The following INPP5F variants were observed in gnomAD, a reference collection of about 807,000 sequenced individuals.
The protein encoded by INPP5F is inositol polyphosphate-5-phosphatase F.
Under a neutral mutation model 137.2 loss-of-function variants are expected in INPP5F, and 97 were observed. That is an observed-to-expected ratio of 0.71 (90% CI 0.60 to 0.84). INPP5F has a LOEUF of 0.84. Ranked by LOEUF, INPP5F falls within the 40% of genes least tolerant of loss-of-function variation. The pLI is 0.00. For missense variants in INPP5F, 1,271 were observed against 1,371.9 expected (o/e 0.93, Z 1.16); for synonymous variants, 504 against 476.9 (o/e 1.06, Z -0.74).
intron 1 of INPP5F, among the ~76,000 whole-genome samples, chr10:119,727,313 C>T (rs1241753763): frequency 2.0e-5 from 3 of 152,190 alleles, no homozygotes; most frequent in Non-Finnish European, 4.4e-5. Flanking sequence ...AGAAGGATTA[C>T]ATGATATGAA....
At chr10:119,771,882 ATTTTTTTTTTTTTTT>A (rs544724525) in intron 2 of INPP5F, among the ~76,000 whole-genome samples, 150 of 24,068 alleles carry the variant, frequency 6.2e-3, no homozygotes, top group South Asian at 0.02. Flanking sequence ...ATATATATAT[ATTTTTTTTTTTTTTT>A]TTTTTTTTTT....
At chr10:119,817,471 G>A (rs1851322034) in intron 15 of INPP5F, among the ~76,000 whole-genome samples, 1 of 152,208 alleles carries the variant, frequency 6.6e-6, no homozygotes, top group African/African-American at 2.4e-5. Flanking sequence ...CCAGTTTGGA[G>A]GGTTCCAATA....
At chr10:119,759,438 G>A (rs536167084) in intron 2 of INPP5F, among the ~76,000 whole-genome samples, 43 of 152,052 alleles carry the variant, frequency 2.8e-4, no homozygotes, top group African/African-American at 9.9e-4. Flanking sequence ...AGCCCAGGCT[G>A]GAGTGCAGTG....
intron 2 of INPP5F, among the ~76,000 whole-genome samples, chr10:119,779,013 A>G (rs1265536): frequency 0.35 from 52,879 of 151,940 alleles, 9,615 homozygotes; most frequent in South Asian, 0.46. Flanking sequence ...TCCTATTCCC[A>G]TCCCCCTCTT....
chr10:119,811,638 G>T, intron 14 of INPP5F, 119 bp from the exon 15 acceptor site: 1 of 768,006 alleles, frequency 1.3e-6, no homozygotes, highest in Non-Finnish European at 2.1e-6. Flanking sequence ...AGGTTACAAA[G>T]ATTTATGCTT....
At chr10:119,786,612 G>A (rs1391001664) in intron 3 of INPP5F, among the ~76,000 whole-genome samples, 1 of 152,006 alleles carries the variant, frequency 6.6e-6, no homozygotes, top group South Asian at 2.1e-4. Flanking sequence ...ATGCAGTGAC[G>A]CAATCATCCT....
rs1194123499 is a variant in INPP5F, at chr10:119,792,031, C to A, written c.607C>A (p.Gln203Lys). ...GGAGAGGGACGGTCGGCCCCTCTGG[C>A]AGAAGGTACCACTCACAGCTCGTAG... is the stretch of plus-strand genomic sequence containing the variant. ...TGERDGRPLW[Q>K]KVDDRFFWNK... The change falls in exon 5 of 20, where the codon CAG (glutamine) becomes AAG (lysine). Residue 203 changes from glutamine (Q) to lysine (K), a missense_variant. Gln to Lys is a moderately conservative substitution (Grantham distance 53, BLOSUM62 1). Coordinates refer to ENST00000650623, the MANE Select transcript of INPP5F (RefSeq NM_014937.4). The A allele has an allele frequency of 6.2e-7, 1 of 1,614,184 alleles. No homozygotes were observed. Among genetic ancestry groups the A allele is most frequent in the South Asian group, 1.1e-5 (1 of 91,088 alleles).
chr10:119,794,384 T>A (rs1327569428), intron 6 of INPP5F, among the ~76,000 whole-genome samples: 1 of 152,216 alleles, frequency 6.6e-6, no homozygotes, highest in Admixed American at 6.5e-5. Flanking sequence ...TTTTTCTTAG[T>A]GCAGAACAAA....
At chr10:119,802,501 A>T (rs1850628084) in intron 9 of INPP5F, among the ~76,000 whole-genome samples, 1 of 152,158 alleles carries the variant, frequency 6.6e-6, no homozygotes, top group African/African-American at 2.4e-5. Flanking sequence ...GTCAAAACAA[A>T]ACTATGCCAT....
Position 119,796,738 on chromosome 10 carries a change from T to C in INPP5F, c.693T>C (p.Ile231=), listed in dbSNP as rs1324280244. 6.2e-7 allele frequency: 1 copy of C among 1,613,886 alleles called. No homozygotes were observed. The highest frequency in any genetic ancestry group is 1.3e-5 in the African/African-American group (1 of 75,050). ...AGACTCCAGATGTGGACTTTTGGAT[T>C]ATCCCCATGATCCAAGGTTTTGTGC... ...EIGTPDVDFW[I]IPMIQGFVQI... Residue 231 remains isoleucine (I), a synonymous_variant, in exon 7 of 20, where the codon ATT becomes ATC. Transcript: ENST00000650623.
At chr10:119,796,079 A>AGGGGGAGGGGGAGG (rs1850370549) in intron 6 of INPP5F, among the ~76,000 whole-genome samples, 1 of 11,354 alleles carries the variant, frequency 8.8e-5, no homozygotes, top group African/African-American at 3.5e-4. Context: ...GGAGAGGGAG[A>AGGGGGAGGGGGAGG]GGGGGAGGGG....
chr10:119,825,624 C>A (rs944953160), intron 19 of INPP5F, among the ~76,000 whole-genome samples: 18 of 152,122 alleles, frequency 1.2e-4, no homozygotes, highest in African/African-American at 4.3e-4. Context: ...GAAATTTTTT[C>A]TAAATACTTT....
rs527761396 is a variant in INPP5F at position 119,806,457 on chromosome 10, G to A, written c.1417G>A (p.Ala473Thr). Residue 473 changes from alanine to threonine, a missense_variant, in exon 12 of 20, where the codon GCG becomes ACG. Ala to Thr is a moderately conservative substitution (Grantham distance 58, BLOSUM62 0). Transcript: ENST00000650623. ...DRTNVVQAAI[A>T]RVVMEQQLKK... ...CACCAACGTGGTCCAAGCTGCCATC[G>A]CGAGAGTGGTCATGGAACAGCAGGT... 6.2e-7 allele frequency: 1 copy of A among 1,607,308 alleles called. No homozygotes were observed. The highest frequency in any genetic ancestry group is 8.5e-7 in the Non-Finnish European group (1 of 1,177,470).
chr10:119,759,813 G>T (rs1848958041), intron 2 of INPP5F, among the ~76,000 whole-genome samples: 1 of 152,160 alleles, frequency 6.6e-6, no homozygotes, highest in African/African-American at 2.4e-5. Context: ...CTTCTCATTG[G>T]TTTTGTTTTT....
chr10:119,827,013 T>G lies in INPP5F; in HGVS notation c.2632T>G (p.Ser878Ala), dbSNP rs746439971. The G allele has an allele frequency of 6.2e-7, 1 of 1,614,016 alleles. No homozygotes were observed. Among genetic ancestry groups the G allele is most frequent in the East Asian group, 2.2e-5 (1 of 44,888 alleles). The change falls in exon 20 of 20, where the codon TCA becomes GCA. Residue 878 changes from serine (S) to alanine (A), a missense_variant. Transcript: ENST00000650623. Reference sequence around the variant, plus strand: ...TGATGAAGACAGGCAGCTAGCTAACTCATTAGAGAGTGTAGGGCCAATAGA... The same window carrying G: ...TGATGAAGACAGGCAGCTAGCTAACGCATTAGAGAGTGTAGGGCCAATAGA... ...KSDEDRQLAN[S>A]LESVGPIDYV...
intron 2 of INPP5F, among the ~76,000 whole-genome samples, chr10:119,754,339 C>T (rs1350669630): frequency 5.9e-5 from 9 of 152,194 alleles, no homozygotes; most frequent in Non-Finnish European, 1.2e-4. Flanking sequence ...GTTTACGATA[C>T]AGTCAAAGTA....
chr10:119,772,883 GGGATTATAGGCACGCACCACCATGCCC>G (rs2134164534), intron 2 of INPP5F, among the ~76,000 whole-genome samples: 1 of 152,032 alleles, frequency 6.6e-6, no homozygotes, highest in East Asian at 1.9e-4. Flanking sequence ...CTGAGTAGCT[GGGATTATAGGCACGCACCACCATGCCC>G]AGCTAATTTT....
chr10:119,732,986 A>G (rs148176915), intron 1 of INPP5F, among the ~76,000 whole-genome samples: 134 of 152,358 alleles, frequency 8.8e-4, no homozygotes, highest in African/African-American at 3.2e-3. Flanking sequence ...AGGGAGAGCC[A>G]GGCTCTAACC....
At chr10:119,745,312 T>C (rs183584937) in intron 1 of INPP5F, among the ~76,000 whole-genome samples, 2 of 152,116 alleles carry the variant, frequency 1.3e-5, no homozygotes. Flanking sequence ...GCTCTTTTTC[T>C]TTTTTTGTTT....
Sources: gnomAD v4.1 joint callset for allele counts (sites outside exome capture counted in the v4.1 genomes callset) on GRCh38, gnomAD v4.1.1 for gene constraint, MANE v1.5 for transcripts, NCBI Gene and HGNC (gene_info 2026-07-23, HGNC 2026-07-21) for gene names.